CCDC148: variants seen among roughly 807,000 people sequenced by gnomAD.
CCDC148 encodes coiled-coil domain-containing protein 148.
In CCDC148, 89 loss-of-function variants were observed where a neutral mutation model predicts 85.7. That is an observed-to-expected ratio of 1.04 (90% confidence interval 0.87 to 1.24). CCDC148 has a LOEUF of 1.24. Ranked by LOEUF, CCDC148 falls within the 50% of genes most tolerant of loss-of-function variation. The pLI is 0.00. For missense variants in CCDC148, 692 were observed against 671.7 expected, an observed-to-expected ratio of 1.03 and a Z score of -0.33; for synonymous variants, 230 against 213.9, an observed-to-expected ratio of 1.08 and a Z score of -0.66.
At chr2:158,386,941 G>A (rs1685109384) in intron 1 of CCDC148, among the ~76,000 whole-genome samples, 1 of 152,140 alleles carries the variant, frequency 6.6e-6, no homozygotes, top group Non-Finnish European at 1.5e-5. Flanking sequence ...TCTCTGGCAA[G>A]CAATTCAAAC....
At chr2:158,229,691 C>T (rs181515793) in intron 10 of CCDC148, among the ~76,000 whole-genome samples, 1 of 152,158 alleles carries the variant, frequency 6.6e-6, no homozygotes, top group African/African-American at 2.4e-5. Flanking sequence ...AATGCCTCAC[C>T]TGGGCTGCAG....
intron 2 of CCDC148, among the ~76,000 whole-genome samples, chr2:158,355,244 G>C (rs1683563432): frequency 6.6e-6 from 1 of 152,120 alleles, no homozygotes; most frequent in African/African-American, 2.4e-5. Context: ...TTAGGCAGGA[G>C]AAGGAAATAA....
rs550373824 is a variant in CCDC148 at position 158,179,967 on chromosome 2, C to T, written c.1371-971G>A. Among the ~76,000 whole-genome samples, 34 of 152,326 alleles carry T rather than the reference C, an allele frequency of 2.2e-4. 1 individual carries two copies. In the South Asian group the frequency reaches 7.1e-3, roughly 32 times the overall value. ...TAAAGCCCTGAGCTCCTTGGCCCTC[C>T]TCTGCTGCCTTTTTTGGGCAGCCTC... On this transcript the variant is annotated intron_variant, in intron 11 of 13. Transcript: ENST00000283233.
At chr2:158,330,507 A>T (rs924135009) in intron 7 of CCDC148, among the ~76,000 whole-genome samples, 2 of 152,132 alleles carry the variant, frequency 1.3e-5, no homozygotes, top group Non-Finnish European at 2.9e-5. Flanking sequence ...TGGTATCAGG[A>T]TGATGCTGGC....
intron 1 of CCDC148, among the ~76,000 whole-genome samples, chr2:158,414,579 T>A (rs76354198): frequency 6.7e-6 from 1 of 149,774 alleles, no homozygotes; most frequent in Non-Finnish European, 1.5e-5. Flanking sequence ...CTTAAAAGTA[T>A]AAAAAAAAAA....
At chr2:158,196,383 AT>A (rs1291356972) in intron 11 of CCDC148, among the ~76,000 whole-genome samples, 1 of 152,108 alleles carries the variant, frequency 6.6e-6, no homozygotes, top group Non-Finnish European at 1.5e-5. Flanking sequence ...ATGGTGGGAT[AT>A]TTACACCACA....
chr2:158,429,391 A>AGATG (rs1020103727), intron 1 of CCDC148, among the ~76,000 whole-genome samples: 2 of 152,096 alleles, frequency 1.3e-5, no homozygotes, highest in African/African-American at 4.8e-5. Flanking sequence ...ATAGATAGAT[A>AGATG]GATAGATAGA....
At chr2:158,434,966 A>G (rs1687567015) in intron 1 of CCDC148, among the ~76,000 whole-genome samples, 1 of 152,204 alleles carries the variant, frequency 6.6e-6, no homozygotes, top group African/African-American at 2.4e-5. Context: ...TCCAAGAAAT[A>G]TGGGACTATG....
rs941896637 is a variant in CCDC148 at position 158,220,771 on chromosome 2, A to G, written c.1252-58T>C. On this transcript the variant is annotated intron_variant, in intron 10 of 13. Transcript: ENST00000283233. ...AACAACAGATATGTAAAAATGAGGG[A>G]AAAGCCATAACCATATCCACTGGTT... 163 of 1,331,548 alleles carry G rather than the reference A, an allele frequency of 1.2e-4. No homozygotes were observed. In the South Asian group the frequency reaches 2.0e-3, roughly 17 times the overall value. The allele number at this position is 1,331,548 out of a possible 1,614,324, so 82.5% of individuals were successfully genotyped here.
At chr2:158,291,352 C>A (rs1429184228) in intron 9 of CCDC148, among the ~76,000 whole-genome samples, 2 of 152,196 alleles carry the variant, frequency 1.3e-5, no homozygotes, top group Admixed American at 6.5e-5. Flanking sequence ...ATGTTGCACA[C>A]AAGGCCCTGC....
chr2:158,228,306 C>A (rs1198088404), intron 10 of CCDC148, among the ~76,000 whole-genome samples: 1 of 152,152 alleles, frequency 6.6e-6, no homozygotes, highest in Middle Eastern at 3.2e-3. Flanking sequence ...AGTCAGGAAA[C>A]AACAAGTGCT....
At chr2:158,334,737 G>C (rs1693331800) in intron 7 of CCDC148, among the ~76,000 whole-genome samples, 1 of 151,570 alleles carries the variant, frequency 6.6e-6, no homozygotes, top group African/African-American at 2.4e-5. Context: ...CTTTATTTCT[G>C]TTTTGTTCCA....
intron 7 of CCDC148, among the ~76,000 whole-genome samples, chr2:158,331,467 G>A (rs1693114031): frequency 6.6e-6 from 1 of 152,186 alleles, no homozygotes; most frequent in African/African-American, 2.4e-5. Context: ...GTGGTGCTGA[G>A]AAGAATGTAT....
chr2:158,176,797 A>G (rs1684612200), intron 12 of CCDC148, 136 bp from the exon 13 acceptor site: 3 of 946,874 alleles, frequency 3.2e-6, no homozygotes, highest in Non-Finnish European at 4.7e-6. Flanking sequence ...GGCAGAAGAA[A>G]TATTAATTGG....
chr2:158,298,389 G>A (rs1449593875), intron 9 of CCDC148, among the ~76,000 whole-genome samples: 1 of 152,018 alleles, frequency 6.6e-6, no homozygotes, highest in Non-Finnish European at 1.5e-5. Flanking sequence ...ATAGGTTGAT[G>A]TCTTTCACTG....
intron 10 of CCDC148, among the ~76,000 whole-genome samples, chr2:158,247,961 T>C (rs1688636668): frequency 6.6e-6 from 1 of 152,160 alleles, no homozygotes; most frequent in Admixed American, 6.5e-5. Flanking sequence ...TGCAGGTTTG[T>C]TACATAGGTA....
intron 1 of CCDC148, among the ~76,000 whole-genome samples, chr2:158,364,905 T>G (rs1684130231): frequency 6.6e-6 from 1 of 152,144 alleles, no homozygotes; most frequent in Non-Finnish European, 1.5e-5. Context: ...AATTTTGCAA[T>G]TTATCCATCT....
chr2:158,423,605 T>C (rs528901534), intron 1 of CCDC148, among the ~76,000 whole-genome samples: 18 of 152,184 alleles, frequency 1.2e-4, no homozygotes, highest in African/African-American at 4.3e-4. Flanking sequence ...CCTAAAACCA[T>C]AAAAACCTTA....
intron 11 of CCDC148, among the ~76,000 whole-genome samples, chr2:158,192,701 C>T (rs1032240398): frequency 1.1e-4 from 16 of 151,834 alleles, no homozygotes. Flanking sequence ...AATAAACAGA[C>T]CTGGCTCTCT....
Sources: allele counts gnomAD v4.1 joint callset (sites outside exome capture counted in the v4.1 genomes callset), GRCh38; gene constraint gnomAD v4.1.1; transcripts MANE v1.5; gene names NCBI Gene and HGNC (gene_info 2026-07-23, HGNC 2026-07-21).